Variants in RARB observed in about 807,000 individuals in gnomAD.
RARB encodes HBV-activated protein.
RARB carries 17 observed loss-of-function variants against 51.9 expected under a neutral mutation model. The ratio of observed to expected loss-of-function variants is 0.33; its 90% CI spans 0.22 to 0.49. The LOEUF is 0.49. Ranked by LOEUF, RARB falls within the 20% of genes least tolerant of loss-of-function variation. The pLI, the probability that RARB is intolerant of heterozygous loss-of-function variation, is 0.99. For synonymous variants in RARB, 215 were observed against 195.4 expected, an observed-to-expected ratio of 1.10 and a Z score of -0.84; for missense variants, 369 against 550.8, an observed-to-expected ratio of 0.67 and a Z score of 3.30.
At chr3:24,832,347 G>T (rs1423320754) in intron 1 of RARB, among the ~76,000 whole-genome samples, 1 of 151,920 alleles carries the variant, frequency 6.6e-6, no homozygotes, top group South Asian at 2.1e-4. Flanking sequence ...TATTACCTGA[G>T]AATAGATTCC....
At chr3:25,479,687 A>C (rs538252290) in intron 2 of RARB, among the ~76,000 whole-genome samples, 1 of 152,204 alleles carries the variant, frequency 6.6e-6, no homozygotes, top group Non-Finnish European at 1.5e-5. Context: ...TACTTGGTTC[A>C]AACATTTCAT....
At chr3:25,364,729 A>G (rs1304370175) in intron 5 of RARB, among the ~76,000 whole-genome samples, 1 of 152,246 alleles carries the variant, frequency 6.6e-6, no homozygotes, top group Non-Finnish European at 1.5e-5. Context: ...ATGAGGAACC[A>G]TATCCAGTAA....
intron 5 of RARB, among the ~76,000 whole-genome samples, chr3:25,384,477 A>G (rs1377357235): frequency 2.6e-5 from 4 of 152,192 alleles, no homozygotes; most frequent in Admixed American, 2.6e-4. Context: ...CCTATCTTTA[A>G]AATGAAAAGG....
At position 25,345,353 on chromosome 3, in the gene RARB, G is replaced by T. The variant is rs189313099; in HGVS notation, c.179-115840G>T. Among the ~76,000 whole-genome samples the T allele has an allele frequency of 1.9e-3, 287 of 152,098 alleles. 2 individuals are homozygous for T. Among genetic ancestry groups the T allele is most frequent in the African/African-American group, 6.6e-3 (273 of 41,486 alleles). On this transcript the variant is annotated intron_variant, in intron 5 of 11. Transcript: ENST00000383772. ...GTTGTGCCCAATAATCATAATATTG[G>T]CAAATAGAGTTAAACTATAAGCAAT...
chr3:25,263,156 C>A lies in RARB; in HGVS notation c.178+88581C>A, dbSNP rs900852325. Among the ~76,000 whole-genome samples the A allele has an allele frequency of 2.0e-5, 3 of 152,218 alleles. No individual in the cohort carries two copies. In the South Asian group the frequency reaches 6.2e-4, roughly 32 times the overall value. ...GTTTGTCATCCAATGTGATGGTAGTCATGTAAGTTGCACTGGTCTGCTTGC... is the reference window on the plus strand; with the variant it reads ...GTTTGTCATCCAATGTGATGGTAGTAATGTAAGTTGCACTGGTCTGCTTGC... On this transcript the variant is annotated intron_variant, in intron 5 of 11. Coordinates refer to the RARB transcript ENST00000383772.
chr3:25,075,923 CTGTT>C (rs1698862199), intron 3 of RARB, among the ~76,000 whole-genome samples: 1 of 150,292 alleles, frequency 6.7e-6, no homozygotes, highest in Non-Finnish European at 1.5e-5. Context: ...AGTTGTTTAT[CTGTT>C]TGTGCCATTA....
At chr3:25,159,890 T>C (rs1244307981) in intron 4 of RARB, among the ~76,000 whole-genome samples, 1 of 152,154 alleles carries the variant, frequency 6.6e-6, no homozygotes, top group Admixed American at 6.5e-5. Context: ...ACAAAGAGAA[T>C]AAGGGAGATA....
chr3:25,015,747 T>C (rs1008055958), intron 2 of RARB, among the ~76,000 whole-genome samples: 3 of 152,204 alleles, frequency 2.0e-5, no homozygotes, highest in African/African-American at 7.2e-5. Context: ...GAAGTAGATT[T>C]AGTGCTTTTA....
chr3:25,378,611 G>A (rs79675912), intron 5 of RARB, among the ~76,000 whole-genome samples: 2,988 of 152,084 alleles, frequency 0.02, 87 homozygotes, highest in African/African-American at 0.064. Context: ...AACCCAACAC[G>A]GTTTTAATTT....
intron 3 of RARB, among the ~76,000 whole-genome samples, chr3:25,510,940 A>G (rs1321822929): frequency 6.6e-6 from 1 of 152,186 alleles, no homozygotes; most frequent in African/African-American, 2.4e-5. Flanking sequence ...TTTATTTCAG[A>G]TGTCTGCAAA....
At chr3:25,508,489 T>C (rs569096323) in intron 3 of RARB, among the ~76,000 whole-genome samples, 1 of 152,356 alleles carries the variant, frequency 6.6e-6, no homozygotes, top group East Asian at 1.9e-4. Context: ...GATGTGCTCA[T>C]TGGTTCTACT....
At chr3:25,369,318 A>G (rs956741472) in intron 5 of RARB, among the ~76,000 whole-genome samples, 2 of 152,208 alleles carry the variant, frequency 1.3e-5, no homozygotes, top group African/African-American at 4.8e-5. Context: ...ACATTCTACC[A>G]AAAGAGAGAA....
At chr3:25,420,101 C>T (rs1030454099) in intron 5 of RARB, among the ~76,000 whole-genome samples, 10 of 151,852 alleles carry the variant, frequency 6.6e-5, no homozygotes, top group East Asian at 1.9e-4. Flanking sequence ...TGTGTGTGTG[C>T]GCGCGTGTGT....
intron 5 of RARB, among the ~76,000 whole-genome samples, chr3:25,225,531 C>A (rs1702038393): frequency 6.6e-6 from 1 of 152,064 alleles, no homozygotes. Context: ...CTTATGCTTT[C>A]TAGAATCTTT....
chr3:25,469,631 G>A (rs1695596415), intron 2 of RARB, among the ~76,000 whole-genome samples: 1 of 152,176 alleles, frequency 6.6e-6, no homozygotes, highest in Non-Finnish European at 1.5e-5. Flanking sequence ...AACCATGGAG[G>A]ATTTACATGT....
At chr3:24,889,855 G>T (rs1299845512) in intron 2 of RARB, among the ~76,000 whole-genome samples, 2 of 150,438 alleles carry the variant, frequency 1.3e-5, no homozygotes, top group East Asian at 3.9e-4. Flanking sequence ...AAGAGCTGTT[G>T]AGAATTTTGG....
intron 4 of RARB, among the ~76,000 whole-genome samples, chr3:25,158,866 C>A (rs951030062): frequency 6.6e-6 from 1 of 152,088 alleles, no homozygotes. Context: ...CCTCAGAGTT[C>A]TGTATTGAAC....
At chr3:25,493,852 A>G (rs778221460) in intron 2 of RARB, among the ~76,000 whole-genome samples, 23 of 151,768 alleles carry the variant, frequency 1.5e-4, no homozygotes, top group Non-Finnish European at 2.9e-4. Flanking sequence ...CATTCCACAC[A>G]TGTTAAACCT....
intron 1 of RARB, among the ~76,000 whole-genome samples, chr3:25,453,818 A>G (rs1263608139): frequency 6.6e-6 from 1 of 152,166 alleles, no homozygotes; most frequent in East Asian, 1.9e-4. Context: ...AAGACTGCCA[A>G]AGCCCAACAA....
Sources: allele counts gnomAD v4.1 joint callset (sites outside exome capture counted in the v4.1 genomes callset), GRCh38; gene constraint gnomAD v4.1.1; transcripts MANE v1.5; gene names NCBI Gene and HGNC (gene_info 2026-07-23, HGNC 2026-07-21).